VPS13B: variants seen among roughly 807,000 people sequenced by gnomAD.
VPS13B encodes vacuolar protein sorting 13 homolog B.
Under a neutral mutation model 426.4 loss-of-function variants are expected in VPS13B, and 285 were observed. The ratio of observed to expected loss-of-function variants is 0.67; its 90% CI spans 0.61 to 0.74. VPS13B has a LOEUF of 0.74. Among genes scored for constraint, VPS13B ranks in the 30% least tolerant of loss-of-function variants. The pLI, the probability that VPS13B is intolerant of heterozygous loss-of-function variation, is 0.00. For synonymous variants in VPS13B, 1,676 were observed against 1,676.4 expected (o/e 1.00, Z 0.01); for missense variants, 4,537 against 4,782.6 (o/e 0.95, Z 1.51).
intron 19 of VPS13B, among the ~76,000 whole-genome samples, chr8:99,283,107 A>G (rs543716345): frequency 6.6e-6 from 1 of 152,324 alleles, no homozygotes; most frequent in Admixed American, 6.5e-5. Context: ...AGTATTTTAT[A>G]TTGTAAGTTT....
chr8:99,464,891 A>G (rs1192971226), intron 23 of VPS13B, among the ~76,000 whole-genome samples: 3 of 152,104 alleles, frequency 2.0e-5, no homozygotes, highest in East Asian at 3.8e-4. Flanking sequence ...CTTTTCTCTA[A>G]TGATAATATA....
chr8:99,704,669 G>A (rs538196271), intron 36 of VPS13B, among the ~76,000 whole-genome samples: 7 of 152,252 alleles, frequency 4.6e-5, no homozygotes, highest in Admixed American at 4.6e-4. Flanking sequence ...TGAAGTGGAA[G>A]TACAGCTTGT....
Position 99,835,635 on chromosome 8 carries a change from A to G in VPS13B, c.9839A>G (p.Lys3280Arg), listed in dbSNP as rs760358992. 6.2e-7 allele frequency: 1 copy of G among 1,614,192 alleles called. No homozygotes were observed. Among genetic ancestry groups the G allele is most frequent in the Non-Finnish European group, 8.5e-7 (1 of 1,180,028 alleles). ...CAGATTTCCAGTTATCCGGACTGCAAGACCAAAGACTTACTTCCAAGCCTA... is the reference window on the plus strand; with the variant it reads ...CAGATTTCCAGTTATCCGGACTGCAGGACCAAAGACTTACTTCCAAGCCTA... ...YHQISSYPDC[K>R]TKDLLPSLLL... Residue 3280 changes from lysine to arginine, a missense_variant, in exon 54 of 62, where the codon AAG becomes AGG. Lys to Arg is a conservative substitution (Grantham distance 26). Coordinates refer to ENST00000357162, the MANE Select transcript of VPS13B (RefSeq NM_152564.5).
chr8:99,255,409 G>T (rs942867566), intron 17 of VPS13B, among the ~76,000 whole-genome samples: 71 of 152,110 alleles, frequency 4.7e-4, no homozygotes, highest in African/African-American at 1.6e-3. Flanking sequence ...TTCAGTTTAG[G>T]CCCTTCTTGG....
intron 17 of VPS13B, among the ~76,000 whole-genome samples, chr8:99,252,945 T>A (rs1299462646): frequency 6.6e-6 from 1 of 152,126 alleles, no homozygotes; most frequent in Non-Finnish European, 1.5e-5. Flanking sequence ...TTAGAACATT[T>A]TTATCTCCCC....
chr8:99,377,879 C>T (rs916456119), intron 19 of VPS13B, among the ~76,000 whole-genome samples: 26 of 152,142 alleles, frequency 1.7e-4, no homozygotes, highest in African/African-American at 6.0e-4. Context: ...GATCACAAGG[C>T]AGAAGGTCAG....
intron 19 of VPS13B, among the ~76,000 whole-genome samples, chr8:99,316,823 T>C (rs1040292470): frequency 6.6e-6 from 1 of 152,206 alleles, no homozygotes; most frequent in Non-Finnish European, 1.5e-5. Context: ...GTGAAGCCCC[T>C]GTCTTGTGGC....
At chr8:99,247,520 G>T (rs1461657422) in intron 17 of VPS13B, among the ~76,000 whole-genome samples, 3 of 152,000 alleles carry the variant, frequency 2.0e-5, no homozygotes, top group Non-Finnish European at 2.9e-5. Context: ...GATCTTTAAT[G>T]GGTTGAAATT....
chr8:99,124,111 G>T (rs989873686), intron 8 of VPS13B, among the ~76,000 whole-genome samples: 1 of 152,158 alleles, frequency 6.6e-6, no homozygotes, highest in Non-Finnish European at 1.5e-5. Context: ...GGGAAGCTGA[G>T]AATAAGTGAT....
At chr8:99,563,109 G>A (rs1032758654) in intron 31 of VPS13B, among the ~76,000 whole-genome samples, 11 of 152,076 alleles carry the variant, frequency 7.2e-5, no homozygotes, top group African/African-American at 2.2e-4. Flanking sequence ...GCTGCATTGC[G>A]CTATGATCAT....
At chr8:99,400,592 T>C (rs2133333969) in intron 21 of VPS13B, among the ~76,000 whole-genome samples, 1 of 152,346 alleles carries the variant, frequency 6.6e-6, no homozygotes, top group Middle Eastern at 3.4e-3. Context: ...TATTATTATT[T>C]AAGTTGTACT....
intron 17 of VPS13B, among the ~76,000 whole-genome samples, chr8:99,207,098 A>G (rs761021762): frequency 5.9e-5 from 9 of 152,142 alleles, no homozygotes; most frequent in Admixed American, 6.5e-5. Flanking sequence ...AATAATATGA[A>G]TATTTATTGA....
chr8:99,407,257 CT>C, intron 21 of VPS13B, among the ~76,000 whole-genome samples: 1 of 152,042 alleles, frequency 6.6e-6, no homozygotes, highest in Non-Finnish European at 1.5e-5. Context: ...TAAAAATTGA[CT>C]TTTTTTCTTA....
Position 99,868,340 on chromosome 8 carries a change from C to G in VPS13B, c.11267C>G (p.Ser3756Cys). The change falls in exon 59 of 62, where the codon TCT becomes TGT. Residue 3756 changes from serine (S) to cysteine (C), a missense_variant. Ser to Cys is a moderately radical substitution (Grantham distance 112). This residue lies in a region of VPS13B where 4,311 missense variants were observed against 4,474.3 expected (regional missense o/e 0.96). Coordinates refer to ENST00000357162, the MANE Select transcript of VPS13B (RefSeq NM_152564.5). ...DQPMQNFQKT[S>C]EAQASAGHKA... is the part of the protein sequence containing the mutation. The stretch of plus-strand genomic sequence containing the variant: ...CCGATGCAGAACTTCCAGAAAACAT[C>G]TGAGGCACAGGCTTCAGCAGGACAC... 2 of 1,614,182 alleles carry G rather than the reference C, an allele frequency of 1.2e-6. No homozygotes were observed. The highest frequency in any genetic ancestry group is 1.7e-6 in the Non-Finnish European group (2 of 1,180,044).
At chr8:99,048,362 T>A (rs1439313194) in intron 3 of VPS13B, among the ~76,000 whole-genome samples, 1 of 152,210 alleles carries the variant, frequency 6.6e-6, no homozygotes, top group Non-Finnish European at 1.5e-5. Context: ...ATCTGTTAAG[T>A]CCATTTGCTC....
intron 33 of VPS13B, among the ~76,000 whole-genome samples, chr8:99,581,238 A>G (rs1826045664): frequency 6.6e-6 from 1 of 152,152 alleles, no homozygotes; most frequent in Non-Finnish European, 1.5e-5. Flanking sequence ...GGAAACATCT[A>G]TTCAATAAAC....
At chr8:99,273,464 C>T (rs906926196) in intron 17 of VPS13B, among the ~76,000 whole-genome samples, 1 of 151,940 alleles carries the variant, frequency 6.6e-6, no homozygotes, top group Admixed American at 6.6e-5. Context: ...CCGCGCCCAG[C>T]CTTGCTTGGG....
At position 99,051,456 on chromosome 8, in the gene VPS13B, G is replaced by A. The variant is rs563494003; in HGVS notation, c.291+12890G>A. ...AGCCTTGTAGTATAGTTTGAAGTCA[G>A]GTAGCATGATGCCTCCAGCTTTGTT... On this transcript the variant is annotated intron_variant, in intron 3 of 61. Coordinates refer to ENST00000357162, the MANE Select transcript of VPS13B (RefSeq NM_152564.5). 3.6e-4 allele frequency among the ~76,000 whole-genome samples: 55 copies of A among 151,752 alleles called. No homozygotes were observed. In the South Asian group the frequency reaches 0.011, roughly 30 times the overall value.
intron 16 of VPS13B, among the ~76,000 whole-genome samples, chr8:99,171,906 T>C (rs1307207686): frequency 6.6e-6 from 1 of 152,138 alleles, no homozygotes; most frequent in Non-Finnish European, 1.5e-5. Flanking sequence ...CAGTATGTCC[T>C]ATAAGTTTAA....
Sources: allele counts gnomAD v4.1 joint callset (sites outside exome capture counted in the v4.1 genomes callset), GRCh38; gene constraint gnomAD v4.1.1; regional missense constraint gnomAD v4.1.1; transcripts MANE v1.5; gene names NCBI Gene and HGNC (gene_info 2026-07-23, HGNC 2026-07-21).